Variants in COL5A1 observed in about 807,000 individuals in gnomAD.
The protein encoded by COL5A1 is collagen type V alpha 1 chain, also known as collagen alpha-1(V) chain.
In COL5A1, 16 loss-of-function variants were observed where a neutral mutation model predicts 263.7. The observed-to-expected ratio is 0.06, with a 90% confidence interval of 0.04 to 0.09. COL5A1 has a LOEUF of 0.09. COL5A1 is among the 10% of genes least tolerant of loss of function. COL5A1 has a pLI of 1.00. For missense variants in COL5A1, 2,036 were observed against 2,540.5 expected, an observed-to-expected ratio of 0.80 and a Z score of 4.27; for synonymous variants, 1,012 against 1,004.5, an observed-to-expected ratio of 1.01 and a Z score of -0.14.
In COL5A1 at chr9:134,757,956, C is replaced by T. The variant is rs1017303181; in HGVS notation, c.1882-287C>T. On this transcript the variant is annotated intron_variant, in intron 17 of 65. Transcript: ENST00000371817. This position sits in a 1 kb window ranked among gnomAD's most constrained non-coding sequence, Gnocchi z 6.2. ...CACTCACACACACGGGAAACTGCAG[C>T]GGTCGCTGAAATACCGCATGACTAA... Among the ~76,000 whole-genome samples, 9 of 152,148 alleles carry T rather than the reference C, an allele frequency of 5.9e-5. No homozygotes were observed. Among genetic ancestry groups the T allele is most frequent in the Admixed American group, 1.3e-4 (2 of 15,286 alleles).
chr9:134,715,726 G>A (rs1834237137), intron 4 of COL5A1, among the ~76,000 whole-genome samples: 1 of 152,210 alleles, frequency 6.6e-6, no homozygotes, highest in Non-Finnish European at 1.5e-5. Context: ...TAAACCTTGA[G>A]TCGACACAGC....
At chr9:134,649,550 C>T (rs1322607661) in intron 1 of COL5A1, 1 of 469,978 alleles carries the variant, frequency 2.1e-6, no homozygotes, top group Admixed American at 2.4e-5. Flanking sequence ...TTGCCAGGAC[C>T]TCGGCAATAG....
chr9:134,781,472 G>A (rs867983542), intron 28 of COL5A1, among the ~76,000 whole-genome samples: 20 of 152,242 alleles, frequency 1.3e-4, no homozygotes, highest in South Asian at 4.1e-4. Context: ...GTTGGTCCCC[G>A]GGAGGCTCCC....
chr9:134,678,709 G>A lies in COL5A1; in HGVS notation c.110-12203G>A, dbSNP rs1158388252. Among the ~76,000 whole-genome samples the A allele has an allele frequency of 1.3e-5, 2 of 152,250 alleles. No individual in the cohort carries two copies. Among genetic ancestry groups the A allele is most frequent in the East Asian group, 3.8e-4 (2 of 5,196 alleles). ...GACCACCCAGGATGACAGCCCAAGT[G>A]ATCCACCAGGACTCTCGCAGTGCAG... On this transcript the variant is annotated intron_variant, in intron 1 of 65. Transcript: ENST00000371817. This position sits in a 1 kb window ranked among gnomAD's most constrained non-coding sequence, Gnocchi z 5.5.
chr9:134,816,340 C>T (rs1003323268), intron 52 of COL5A1, among the ~76,000 whole-genome samples: 3 of 150,318 alleles, frequency 2.0e-5, no homozygotes, highest in Non-Finnish European at 4.5e-5. Context: ...CCAGGCCCTT[C>T]CTGCCTTACC....
At chr9:134,710,862 T>G (rs1834015106) in intron 4 of COL5A1, among the ~76,000 whole-genome samples, 1 of 118,078 alleles carries the variant, frequency 8.5e-6, no homozygotes, top group Non-Finnish European at 1.7e-5. Flanking sequence ...GGGGCCCCAT[T>G]TAGTGCAGTG....
chr9:134,727,327 A>G lies in COL5A1; in HGVS notation c.716A>G (p.His239Arg), dbSNP rs1441661618. Residue 239 changes from histidine (H) to arginine (R), a missense_variant, in exon 5 of 66, where the codon CAC (histidine) becomes CGC (arginine). Transcript: ENST00000371817. ...DHRAAYDYCE[H>R]YSPDCDTAVP... ...CGGGCAGCTTATGATTACTGTGAGC[A>G]CTACAGCCCTGACTGTGACACCGCA... 6.2e-7 allele frequency: 1 copy of G among 1,613,860 alleles called. No homozygotes were observed. The highest frequency in any genetic ancestry group is 1.3e-5 in the African/African-American group (1 of 74,872).
chr9:134,659,417 G>T (rs974519766), intron 1 of COL5A1, among the ~76,000 whole-genome samples: 4 of 152,036 alleles, frequency 2.6e-5, no homozygotes, highest in Admixed American at 6.6e-5. Flanking sequence ...TCATAAAAAA[G>T]CCTTTGAGTT....
chr9:134,834,102 T>C (rs938081517), intron 64 of COL5A1, among the ~76,000 whole-genome samples: 6 of 152,070 alleles, frequency 3.9e-5, no homozygotes, highest in Non-Finnish European at 8.8e-5. Context: ...TGTCCAGGGC[T>C]CAGGGAGAAG....
intron 18 of COL5A1, among the ~76,000 whole-genome samples, chr9:134,760,510 A>ACG (rs1836341660): frequency 9.8e-6 from 1 of 101,682 alleles, no homozygotes; most frequent in African/African-American, 4.1e-5. Flanking sequence ...GCACACACGC[A>ACG]TACACACCCA....
chr9:134,701,145 T>C, intron 3 of COL5A1, 26 bp from the exon 4 acceptor site: 1 of 1,613,292 alleles, frequency 6.2e-7, no homozygotes. Flanking sequence ...ATCCAAGCCC[T>C]GTCTTCACCA....
Position 134,681,762 on chromosome 9 carries a change from C to T in COL5A1, c.110-9150C>T, listed in dbSNP as rs1229886062. ...TGGCTCTAAAATTAGAGTTCTAGCC[C>T]GAGAATTGTGAAGACCTCAAGCTTG... On this transcript the variant is annotated intron_variant, in intron 1 of 65. Transcript: ENST00000371817. The surrounding 1 kb of genome is among the most constrained non-coding windows in gnomAD (Gnocchi z 4.3). Among the ~76,000 whole-genome samples, 1 of 152,162 alleles carries T rather than the reference C, an allele frequency of 6.6e-6. No individual in the cohort carries two copies.
In COL5A1 at chr9:134,754,350, T is replaced by C. The variant is rs759797400; in HGVS notation, c.1827+24T>C. The C allele has an allele frequency of 5.0e-6, 8 of 1,613,642 alleles. No homozygotes were observed. The Admixed American group carries it at 1.2e-4, about 24-fold the overall frequency. On this transcript the variant is annotated intron_variant, in intron 16 of 65. Coordinates refer to ENST00000371817, the MANE Select transcript of COL5A1 (RefSeq NM_000093.5). This position sits in a 1 kb window ranked among gnomAD's most constrained non-coding sequence, Gnocchi z 4.3. ...GGGTGAGTGGTGCGAGTGTGTGTGG[T>C]TTAGTGACAGCAGCTTGGGCGCTGG...
rs1462341702 is a variant in COL5A1 at position 134,825,808 on chromosome 9, T to C, written c.4971T>C (p.Asp1657=). ...PDFPDGEYWV[D]PNQGCSRDSF... is the part of the protein sequence containing the mutation. ...GAAATCCAGGTGAATACTGGGTCGATCCTAACCAAGGATGCTCCAGGGATT... is the reference window on the plus strand; with the variant it reads ...GAAATCCAGGTGAATACTGGGTCGACCCTAACCAAGGATGCTCCAGGGATT... The change falls in exon 63 of 66, where the codon GAT becomes GAC. Residue 1657 remains aspartate (D), a synonymous_variant. Transcript: ENST00000371817. 1.2e-6 allele frequency: 2 copies of C among 1,612,228 alleles called. No homozygotes were observed. The highest frequency in any genetic ancestry group is 1.7e-6 in the Non-Finnish European group (2 of 1,178,770).
At chr9:134,649,915 C>G (rs1831612518) in intron 1 of COL5A1, among the ~76,000 whole-genome samples, 1 of 152,014 alleles carries the variant, frequency 6.6e-6, no homozygotes, top group South Asian at 2.1e-4. Context: ...TCATCATTCT[C>G]AGCAAACTAA....
In COL5A1 at chr9:134,818,575, G is replaced by C; in HGVS notation, c.4231-81G>C. On this transcript the variant is annotated intron_variant, in intron 54 of 65. Transcript: ENST00000371817. The surrounding 1 kb of genome is among the most constrained non-coding windows in gnomAD (Gnocchi z 6.0). ...CCTGGGACTCCTCCAGAGGTGCCCAGGGTTTCCGAGCAGTGGTCCTGGGCC... is the reference window on the plus strand; with the variant it reads ...CCTGGGACTCCTCCAGAGGTGCCCACGGTTTCCGAGCAGTGGTCCTGGGCC... The C allele has an allele frequency of 9.5e-7, 1 of 1,049,988 alleles. No homozygotes were observed. Among genetic ancestry groups the C allele is most frequent in the Non-Finnish European group, 1.4e-6 (1 of 691,024 alleles). The allele number at this position is 1,049,988 out of a possible 1,614,324, so 65.0% of individuals were successfully genotyped here. A position where few individuals can be genotyped will look rare whatever the true frequency, so the allele number is the denominator to read the frequency against.
intron 48 of COL5A1, among the ~76,000 whole-genome samples, chr9:134,813,263 C>T (rs764496416): frequency 2.0e-5 from 3 of 152,006 alleles, no homozygotes; most frequent in Non-Finnish European, 4.4e-5. Flanking sequence ...TGCCTGCATG[C>T]TGGGTGGGAC....
chr9:134,710,123 G>T (rs548140042), intron 4 of COL5A1, among the ~76,000 whole-genome samples: 1 of 152,350 alleles, frequency 6.6e-6, no homozygotes, highest in South Asian at 2.1e-4. Context: ...GAGCCAGCCT[G>T]AACCTCAGTT....
chr9:134,704,095 C>G (rs955328277), intron 4 of COL5A1, among the ~76,000 whole-genome samples: 2 of 152,086 alleles, frequency 1.3e-5, no homozygotes, highest in African/African-American at 4.8e-5. Context: ...GATATTCTAA[C>G]TGAGCAGGAA....
Sources: gnomAD v4.1 joint callset for allele counts (sites outside exome capture counted in the v4.1 genomes callset) on GRCh38, gnomAD v4.1.1 for gene constraint, Gnocchi (gnomAD v3.1) non-coding constraint, MANE v1.5 for transcripts, NCBI Gene and HGNC (gene_info 2026-07-23, HGNC 2026-07-21) for gene names.